The following CSMD1 variants were observed in gnomAD, a reference collection of about 807,000 sequenced individuals.
CSMD1 encodes CUB and Sushi multiple domains 1, also known as CUB and sushi domain-containing protein 1.
CSMD1 carries 213 observed loss-of-function variants against 417.5 expected under a neutral mutation model. That is an observed-to-expected ratio of 0.51 (90% CI 0.46 to 0.57). CSMD1 has a LOEUF of 0.57. CSMD1 is among the 20% of genes least tolerant of loss of function. CSMD1 has a pLI of 0.00. For synonymous variants in CSMD1, 2,862 were observed against 1,736.8 expected, an observed-to-expected ratio of 1.65 and a Z score of -16.11; for missense variants, 6,923 against 4,529.7, an observed-to-expected ratio of 1.53 and a Z score of -15.17.
intron 41 of CSMD1, among the ~76,000 whole-genome samples, chr8:3,138,661 G>C (rs1348065328): frequency 1.3e-5 from 2 of 152,204 alleles, no homozygotes; most frequent in Non-Finnish European, 2.9e-5. Context: ...AGTGGAGATG[G>C]AAAGCATTGC....
At chr8:3,801,786 G>T (rs540466809) in intron 5 of CSMD1, among the ~76,000 whole-genome samples, 1 of 151,962 alleles carries the variant, frequency 6.6e-6, no homozygotes, top group Non-Finnish European at 1.5e-5. Context: ...AGCATTTTAC[G>T]GGTCATTAAA....
rs1044467800 is a variant in CSMD1 at position 4,137,819 on chromosome 8, G to A, written c.416-105720C>T. 7.9e-5 allele frequency among the ~76,000 whole-genome samples: 12 copies of A among 151,540 alleles called. 1 individual carries two copies. Among genetic ancestry groups the A allele is most frequent in the African/African-American group, 2.9e-4 (12 of 41,326 alleles). Reference sequence around the variant, plus strand: ...CAAATTAATTTTCCCCTTACATTATGTCAGAAACTCAGTTAGTGTTATTTT... The same window carrying A: ...CAAATTAATTTTCCCCTTACATTATATCAGAAACTCAGTTAGTGTTATTTT... On this transcript the variant is annotated intron_variant, in intron 3 of 69. Coordinates refer to ENST00000635120, the MANE Select transcript of CSMD1 (RefSeq NM_033225.6).
intron 5 of CSMD1, among the ~76,000 whole-genome samples, chr8:3,958,321 T>TC (rs1491241912): frequency 2.7e-4 from 4 of 14,948 alleles, no homozygotes; most frequent in South Asian, 3.8e-3. Context: ...AAACTCTCTC[T>TC]TTTTTTTTTT....
intron 21 of CSMD1, among the ~76,000 whole-genome samples, chr8:3,354,929 A>ATATGTCTATC (rs1554523471): frequency 2.7e-5 from 4 of 149,760 alleles, no homozygotes; most frequent in Non-Finnish European, 4.4e-5. Context: ...CTATCTATAG[A>ATATGTCTATC]TATAGATATA....
At chr8:4,153,706 C>A (rs1381408069) in intron 3 of CSMD1, among the ~76,000 whole-genome samples, 1 of 152,176 alleles carries the variant, frequency 6.6e-6, no homozygotes, top group Non-Finnish European at 1.5e-5. Flanking sequence ...TCCGGCAGTC[C>A]CACAGATATA....
chr8:4,471,454 A>G (rs1307742915), intron 2 of CSMD1, among the ~76,000 whole-genome samples: 1 of 152,120 alleles, frequency 6.6e-6, no homozygotes, highest in Non-Finnish European at 1.5e-5. Context: ...AAGCCTCTCG[A>G]CAAAATCATT....
chr8:4,430,096 C>G (rs962226667), intron 2 of CSMD1, among the ~76,000 whole-genome samples: 1 of 152,212 alleles, frequency 6.6e-6, no homozygotes, highest in African/African-American at 2.4e-5. Context: ...GTTTAAATCC[C>G]AGAAGTGAGG....
intron 2 of CSMD1, among the ~76,000 whole-genome samples, chr8:4,600,521 T>C (rs572432960): frequency 2.6e-4 from 39 of 152,322 alleles, no homozygotes; most frequent in South Asian, 6.2e-4. Flanking sequence ...TGTTTTTGTA[T>C]GAAAATTATA....
At chr8:4,599,434 T>C (rs1800466047) in intron 2 of CSMD1, among the ~76,000 whole-genome samples, 1 of 151,874 alleles carries the variant, frequency 6.6e-6, no homozygotes, top group East Asian at 1.9e-4. Context: ...TAAATTGGAG[T>C]AAATTGTACC....
chr8:3,805,767 C>G (rs1188123473), intron 5 of CSMD1, among the ~76,000 whole-genome samples: 3 of 152,208 alleles, frequency 2.0e-5, no homozygotes, highest in East Asian at 3.9e-4. Flanking sequence ...AGTCCGTCCC[C>G]TACCCCAGTC....
intron 41 of CSMD1, among the ~76,000 whole-genome samples, chr8:3,122,391 A>C (rs1563065199): frequency 6.6e-6 from 1 of 152,228 alleles, no homozygotes; most frequent in Non-Finnish European, 1.5e-5. Flanking sequence ...TTTACTATAG[A>C]TCAATAAACC....
chr8:4,926,893 G>T (rs944710471), intron 1 of CSMD1, among the ~76,000 whole-genome samples: 3 of 151,926 alleles, frequency 2.0e-5, no homozygotes, highest in Non-Finnish European at 4.4e-5. Flanking sequence ...TATATAATGA[G>T]CAAAGGTAAC....
chr8:2,974,633 A>G lies in CSMD1; in HGVS notation c.8567-9T>C, dbSNP rs200202177. ...GTGTCCACACGATATAGCTTCAGAAAAAAGATAAAACAATTGAGTACATCC... is the reference window on the plus strand; with the variant it reads ...GTGTCCACACGATATAGCTTCAGAAGAAAGATAAAACAATTGAGTACATCC... On this transcript the variant is annotated splice_polypyrimidine_tract_variant and intron_variant, in intron 55 of 69. Coordinates refer to ENST00000635120, the MANE Select transcript of CSMD1 (RefSeq NM_033225.6). 1.1e-3 allele frequency: 1,703 copies of G among 1,566,188 alleles called. 2 individuals are homozygous for G. Among genetic ancestry groups the G allele is most frequent in the Non-Finnish European group, 1.4e-3 (1,596 of 1,155,386 alleles).
chr8:4,648,884 G>C (rs114707507), intron 1 of CSMD1, among the ~76,000 whole-genome samples: 112 of 152,278 alleles, frequency 7.4e-4, no homozygotes, highest in African/African-American at 2.6e-3. Flanking sequence ...CGTCACAAAG[G>C]ATAAGAGTGT....
chr8:4,589,925 T>C (rs1349063549), intron 2 of CSMD1, among the ~76,000 whole-genome samples: 2 of 152,188 alleles, frequency 1.3e-5, no homozygotes, highest in African/African-American at 4.8e-5. Context: ...GTGGCTTTTG[T>C]CTAACCCACA....
chr8:4,691,158 G>T (rs541286381), intron 1 of CSMD1, among the ~76,000 whole-genome samples: 3 of 152,220 alleles, frequency 2.0e-5, no homozygotes, highest in Non-Finnish European at 4.4e-5. Flanking sequence ...GGAAGGAAGT[G>T]AAGGAATCAA....
intron 1 of CSMD1, among the ~76,000 whole-genome samples, chr8:4,981,967 C>T (rs1000755242): frequency 1.7e-4 from 26 of 152,152 alleles, no homozygotes; most frequent in African/African-American, 6.3e-4. Flanking sequence ...TGTGTGGCCC[C>T]CAGGAACTGA....
chr8:3,125,115 A>G (rs1251870514), intron 41 of CSMD1, among the ~76,000 whole-genome samples: 2 of 152,228 alleles, frequency 1.3e-5, no homozygotes, highest in African/African-American at 4.8e-5. Flanking sequence ...ACTTCACACA[A>G]TAAGGTATAA....
chr8:4,256,148 T>TA (rs771072744), intron 3 of CSMD1, among the ~76,000 whole-genome samples: 6 of 152,232 alleles, frequency 3.9e-5, no homozygotes, highest in Non-Finnish European at 7.3e-5. Context: ...AATCACTATG[T>TA]AGCCTGCCAG....
Sources: gnomAD v4.1 joint callset for allele counts (sites outside exome capture counted in the v4.1 genomes callset) on GRCh38, gnomAD v4.1.1 for gene constraint, MANE v1.5 for transcripts, NCBI Gene and HGNC (gene_info 2026-07-23, HGNC 2026-07-21) for gene names.